CASP5: variants seen among roughly 807,000 people sequenced by gnomAD.
The protein encoded by CASP5 is caspase 5, also known as caspase-5.
In CASP5, 42 loss-of-function variants were observed where a neutral mutation model predicts 45.2. The observed-to-expected ratio is 0.93, with a 90% CI of 0.73 to 1.20. CASP5 has a LOEUF of 1.20. CASP5 is among the 50% of genes most tolerant of loss of function. The pLI is 0.00. For missense variants in CASP5, 512 were observed against 532.2 expected (o/e 0.96, Z 0.37); for synonymous variants, 209 against 186.2 (o/e 1.12, Z -1.00).
At position 105,002,182 on chromosome 11, in the gene CASP5, C is replaced by G. The variant is rs1168183871; in HGVS notation, c.563G>C (p.Arg188Thr). 2 of 1,613,922 alleles carry G rather than the reference C, an allele frequency of 1.2e-6. No homozygotes were observed. Among genetic ancestry groups the G allele is most frequent in the Non-Finnish European group, 1.7e-6 (2 of 1,179,992 alleles). The change falls in exon 5 of 10, where the codon AGA becomes ACA. Residue 188 changes from arginine (R) to threonine (T), a missense_variant. Arg to Thr is a moderately conservative substitution (Grantham distance 71, BLOSUM62 -1). Coordinates refer to ENST00000260315, the MANE Select transcript of CASP5 (RefSeq NM_004347.5). The stretch of plus-strand genomic sequence containing the variant: ...GAGAGCCAGGCGTCTGCGGTCCTCT[C>G]TCTTTTTTATTGGATAGATCTGCAG... ...NHDEIYPIKK[R>T]EDRRRLALII...
At chr11:105,007,024 T>C in intron 3 of CASP5, 59 bp downstream of exon 3, 1 of 1,420,806 alleles carries the variant, frequency 7.0e-7, no homozygotes, top group South Asian at 1.3e-5. Flanking sequence ...TGCATGGGCC[T>C]TGGAGTTGAA....
chr11:105,020,778 T>G (rs1177917097), intron 1 of CASP5, among the ~76,000 whole-genome samples: 1 of 152,172 alleles, frequency 6.6e-6, no homozygotes, highest in Non-Finnish European at 1.5e-5. Context: ...AAGCTACCAA[T>G]GACTTTCTTC....
chr11:105,016,889 C>T (rs1862638351), intron 1 of CASP5, among the ~76,000 whole-genome samples: 1 of 151,610 alleles, frequency 6.6e-6, no homozygotes, highest in African/African-American at 2.4e-5. Context: ...GTAACCTCTG[C>T]AGACTTAAAT....
intron 1 of CASP5, among the ~76,000 whole-genome samples, chr11:105,018,610 C>T (rs1367080507): frequency 1.4e-5 from 2 of 142,400 alleles, no homozygotes; most frequent in African/African-American, 5.1e-5. Context: ...GCTAACTATC[C>T]TAAATATATA....
At chr11:105,019,041 G>A (rs1322238218) in intron 1 of CASP5, among the ~76,000 whole-genome samples, 23 of 142,286 alleles carry the variant, frequency 1.6e-4, no homozygotes, top group Non-Finnish European at 2.3e-4. Flanking sequence ...TGAACAACCT[G>A]CTCCTGAATG....
chr11:105,013,403 T>A (rs1265756121), intron 1 of CASP5, among the ~76,000 whole-genome samples: 1 of 152,084 alleles, frequency 6.6e-6, no homozygotes, highest in African/African-American at 2.4e-5. Context: ...CAGTGTAAAT[T>A]TTAAGTGCTG....
At chr11:105,009,141 C>T in intron 1 of CASP5, 161 bp from the exon 2 acceptor site, 1 of 653,138 alleles carries the variant, frequency 1.5e-6, no homozygotes, top group Non-Finnish European at 2.6e-6. Context: ...GTAGCATTCT[C>T]TCACCCATCA....
chr11:105,009,899 A>G (rs868561186), intron 1 of CASP5, among the ~76,000 whole-genome samples: 3 of 130,160 alleles, frequency 2.3e-5, no homozygotes, highest in African/African-American at 1.0e-4. Context: ...ACATATATAC[A>G]TATATATACA....
At chr11:105,021,102 C>T (rs1862934203) in intron 1 of CASP5, among the ~76,000 whole-genome samples, 1 of 151,920 alleles carries the variant, frequency 6.6e-6, no homozygotes, top group East Asian at 1.9e-4. Flanking sequence ...AACTGGCTAG[C>T]CATATGTAGA....
In CASP5 at chr11:105,003,352, C is replaced by T. The variant is rs1183404542; in HGVS notation, c.465G>A (p.Glu155=). ...TGAGTATATTTGTAGATTCTGCTGA[C>T]TCAGGTGGTCCAGCCTCGATTTGCA... ...PLLQIEAGPP[E]SAESTNILKL... Residue 155 remains glutamate, a synonymous_variant, in exon 4 of 10, where the codon GAG becomes GAA. Transcript: ENST00000260315. The T allele has an allele frequency of 1.2e-6, 2 of 1,602,634 alleles. No homozygotes were observed. Among genetic ancestry groups the T allele is most frequent in the Non-Finnish European group, 1.7e-6 (2 of 1,175,654 alleles).
rs1862178066 is a variant in CASP5, at chr11:105,009,716, CACACATATAT to C, written c.8-746_8-737del. 2.5e-4 allele frequency among the ~76,000 whole-genome samples: 12 copies of C among 48,078 alleles called. No homozygotes were observed. The South Asian group carries it at 5.4e-3, about 21-fold the overall frequency. The allele number at this position is 48,078 out of a possible 152,430, so 31.5% of individuals were successfully genotyped here. A position where few individuals can be genotyped will look rare whatever the true frequency, so the allele number is the denominator to read the frequency against. ...ATTTTTACCAGGAGATATATATATA[CACACATATAT>C]ATATATATATATATATATATATATA... On this transcript the variant is annotated intron_variant, in intron 1 of 9. Transcript: ENST00000260315.
rs370415745 is a variant in CASP5 at position 105,002,173 on chromosome 11, C to T, written c.572G>A (p.Arg191His). 30 of 1,613,870 alleles carry T rather than the reference C, an allele frequency of 1.9e-5. No individual in the cohort carries two copies. The highest frequency in any genetic ancestry group is 4.0e-5 in the African/African-American group (3 of 74,892). ...EIYPIKKRED[R>H]RRLALIICNT... is the part of the protein sequence containing the mutation. ...GCATATGATGAGAGCCAGGCGTCTG[C>T]GGTCCTCTCTCTTTTTTATTGGATA... Residue 191 changes from arginine (R) to histidine (H), a missense_variant, in exon 5 of 10, where the codon CGC becomes CAC. By Grantham distance (29) the Arg-to-His change is conservative (BLOSUM62 0). Coordinates refer to ENST00000260315, the MANE Select transcript of CASP5 (RefSeq NM_004347.5).
chr11:105,000,621 A>G, intron 5 of CASP5, 126 bp from the exon 6 acceptor site: 2 of 821,064 alleles, frequency 2.4e-6, no homozygotes, highest in Non-Finnish European at 3.8e-6. Flanking sequence ...CATAGCGCTT[A>G]CTCAGTCATG....
intron 5 of CASP5, among the ~76,000 whole-genome samples, chr11:105,001,134 AT>A (rs1406848823): frequency 2.6e-5 from 4 of 152,110 alleles, no homozygotes; most frequent in Non-Finnish European, 5.9e-5. Flanking sequence ...ATCGCACCCC[AT>A]CCAACATTCT....
Position 105,000,309 on chromosome 11 carries a change from T to A in CASP5, c.904A>T (p.Ser302Cys), listed in dbSNP as rs1861660801. 1 of 1,614,254 alleles carries A rather than the reference T, an allele frequency of 6.2e-7. No homozygotes were observed. Reference sequence around the variant, plus strand: ...ATGACCTTGGGTTTGTCCTTTAGACTGAGGCAGTTGCGGTTGTTGAATATC... The same window carrying A: ...ATGACCTTGGGTTTGTCCTTTAGACAGAGGCAGTTGCGGTTGTTGAATATC... ...FQIFNNRNCL[S>C]LKDKPKVIIV... is the part of the protein sequence containing the mutation. The change falls in exon 6 of 10, where the codon AGT becomes TGT. Residue 302 changes from serine to cysteine, a missense_variant. Ser to Cys is a moderately radical substitution (Grantham distance 112). Coordinates refer to ENST00000260315, the MANE Select transcript of CASP5 (RefSeq NM_004347.5).
chr11:105,004,486 T>C (rs951364739), intron 3 of CASP5, among the ~76,000 whole-genome samples: 1 of 152,116 alleles, frequency 6.6e-6, no homozygotes, highest in African/African-American at 2.4e-5. Context: ...AAGAAGAATT[T>C]AGTAAGATCT....
At chr11:105,009,378 A>T (rs963046384) in intron 1 of CASP5, among the ~76,000 whole-genome samples, 1 of 151,790 alleles carries the variant, frequency 6.6e-6, no homozygotes, top group African/African-American at 2.4e-5. Context: ...AGACTGCAGG[A>T]TCTTTCCTTT....
chr11:105,014,795 G>T (rs986426940), intron 1 of CASP5, among the ~76,000 whole-genome samples: 5 of 152,156 alleles, frequency 3.3e-5, no homozygotes, highest in Non-Finnish European at 5.9e-5. Flanking sequence ...TGGAAAGATA[G>T]ATATGCAAAT....
intron 5 of CASP5, among the ~76,000 whole-genome samples, chr11:105,001,432 C>T (rs1414952713): frequency 6.6e-6 from 1 of 152,110 alleles, no homozygotes. Flanking sequence ...TTTGGGAGGC[C>T]AAGGCGGGCA....
Sources: gnomAD v4.1 joint callset for allele counts (sites outside exome capture counted in the v4.1 genomes callset) on GRCh38, gnomAD v4.1.1 for gene constraint, MANE v1.5 for transcripts, NCBI Gene and HGNC (gene_info 2026-07-23, HGNC 2026-07-21) for gene names.